THOC5: variants seen among roughly 807,000 people sequenced by gnomAD.
The protein encoded by THOC5 is THO complex subunit 5, also known as Fms-interacting protein.
THOC5 carries 43 observed loss-of-function variants against 92.9 expected under a neutral mutation model. The ratio of observed to expected loss-of-function variants is 0.46; its 90% CI spans 0.36 to 0.60. THOC5 has a LOEUF of 0.60. Among genes scored for constraint, THOC5 ranks in the 20% least tolerant of loss-of-function variants. The pLI, the probability that THOC5 is intolerant of heterozygous loss-of-function variation, is 0.00. For missense variants in THOC5, 659 were observed against 849.4 expected, an observed-to-expected ratio of 0.78 and a Z score of 2.79; for synonymous variants, 296 against 320.1, an observed-to-expected ratio of 0.92 and a Z score of 0.80.
chr22:29,533,489 T>A (rs2063695998), intron 7 of THOC5, among the ~76,000 whole-genome samples: 1 of 152,100 alleles, frequency 6.6e-6, no homozygotes, highest in Admixed American at 6.6e-5. Context: ...ACTTCCAGGA[T>A]GACAACAGAT....
At chr22:29,538,800 GGAAAAAAAAAAAAAAA>G (rs1298621748) in intron 6 of THOC5, among the ~76,000 whole-genome samples, 2 of 32,988 alleles carry the variant, frequency 6.1e-5, no homozygotes, top group African/African-American at 2.2e-4. Context: ...CCATCTCTTT[GGAAAAAAAAAAAAAAA>G]AAAAAAAAAA....
At chr22:29,542,981 T>C (rs370892194) in intron 4 of THOC5, 25 bp from the exon 5 acceptor site, 4 of 1,569,728 alleles carry the variant, frequency 2.5e-6, no homozygotes, top group African/African-American at 1.3e-5. Context: ...CGATCAGAAG[T>C]GAGCAGGGCA....
intron 2 of THOC5, among the ~76,000 whole-genome samples, chr22:29,545,319 C>T (rs769077584): frequency 3.3e-5 from 5 of 152,112 alleles, no homozygotes; most frequent in African/African-American, 4.8e-5. Flanking sequence ...ATTTAAATCC[C>T]AAACCATATC....
chr22:29,512,367 C>T (rs1265061808), intron 17 of THOC5, among the ~76,000 whole-genome samples: 1 of 152,188 alleles, frequency 6.6e-6, no homozygotes, highest in African/African-American at 2.4e-5. Context: ...ATTTACTGTG[C>T]CACAAAGCTG....
rs753314101 is a variant in THOC5 at position 29,525,848 on chromosome 22, T to C, written c.1165A>G (p.Ile389Val). 1.9e-6 allele frequency: 3 copies of C among 1,612,496 alleles called. No individual in the cohort carries two copies. Among genetic ancestry groups the C allele is most frequent in the Non-Finnish European group, 2.5e-6 (3 of 1,178,762 alleles). The change falls in exon 12 of 20, where the codon ATC (isoleucine) becomes GTC (valine). Residue 389 changes from isoleucine (I) to valine (V), a missense_variant. Ile to Val is a conservative substitution (Grantham distance 29). Transcript: ENST00000490103. ...GCGCCTGCTCAATACCCTGCACTGA[T>C]GGGGGTGATCAGCTCCATGGCAGTT... is the stretch of plus-strand genomic sequence containing the variant. The part of the protein sequence containing the change: ...VTTAMELITP[I>V]SAGDLLSPDS...
In THOC5 at chr22:29,548,385, A is replaced by G. The variant is rs186929112; in HGVS notation, c.96+667T>C. Among the ~76,000 whole-genome samples, 139 of 152,198 alleles carry G rather than the reference A, an allele frequency of 9.1e-4. 1 individual carries two copies. Among genetic ancestry groups the G allele is most frequent in the Non-Finnish European group, 1.7e-3 (114 of 68,012 alleles). On this transcript the variant is annotated intron_variant, in intron 2 of 19. Coordinates refer to ENST00000490103, the MANE Select transcript of THOC5 (RefSeq NM_003678.5). ...AACCTGGGTAACGTGGCAAAACCTC[A>G]TATCTACAAAAAATACAAAATTAGC...
rs191291198 is a variant in THOC5 at position 29,516,721 on chromosome 22, C to T, written c.1681+308G>A. Among the ~76,000 whole-genome samples the T allele has an allele frequency of 5.3e-4, 81 of 152,298 alleles. 1 individual carries two copies. The Middle Eastern group carries it at 0.02, about 38-fold the overall frequency. The stretch of plus-strand genomic sequence containing the variant: ...GGAGGAGATGTCCGGTACTAGAAAG[C>T]GGTGAAGGAAGGAGCAAAGAGCTCA... On this transcript the variant is annotated intron_variant, in intron 17 of 19. Transcript: ENST00000490103.
chr22:29,535,533 A>T (rs1317034547), intron 7 of THOC5: 1 of 152,114 alleles, frequency 6.6e-6, no homozygotes, highest in African/African-American at 2.4e-5. Context: ...TACAACTTGC[A>T]TTTCTTATTT....
chr22:29,552,887 T>C (rs1327860734), intron 1 of THOC5, among the ~76,000 whole-genome samples: 1 of 152,232 alleles, frequency 6.6e-6, no homozygotes, highest in Non-Finnish European at 1.5e-5. Flanking sequence ...CATTTTGTTC[T>C]GTACTGAGAG....
rs754712594 is a variant in THOC5, at chr22:29,543,545, G to C, written c.241-3C>G. 1.2e-6 allele frequency: 2 copies of C among 1,608,374 alleles called. No individual in the cohort carries two copies. The highest frequency in any genetic ancestry group is 1.7e-6 in the Non-Finnish European group (2 of 1,175,076). ...CTCCGTTCTTCTATTTCTATTGCCT[G>C]TGGGCAAAGAAAACAGTAAAGCCCA... On this transcript the variant is annotated splice_region_variant and splice_polypyrimidine_tract_variant and intron_variant, in intron 3 of 19. Coordinates refer to ENST00000490103, the MANE Select transcript of THOC5 (RefSeq NM_003678.5).
In THOC5 at chr22:29,539,437, C is replaced by G; in HGVS notation, c.492G>C (p.Glu164Asp). ...TATCTGGTGGAGCCTCCTTATAAAA[C>G]TCCTCTAAACTGACCAGATCAATTT... ...HEEIDLVSLEEFYKEAPPDIS... is the reference protein window; with the variant it reads ...HEEIDLVSLEDFYKEAPPDIS... The change falls in exon 6 of 20, where the codon GAG (glutamate) becomes GAC (aspartate). Residue 164 changes from glutamate (E) to aspartate (D), a missense_variant. Coordinates refer to ENST00000490103, the MANE Select transcript of THOC5 (RefSeq NM_003678.5). 6.2e-7 allele frequency: 1 copy of G among 1,614,094 alleles called. No homozygotes were observed. The highest frequency in any genetic ancestry group is 8.5e-7 in the Non-Finnish European group (1 of 1,180,022).
Position 29,511,195 on chromosome 22 carries a change from C to T in THOC5, c.1899G>A (p.Leu633=), listed in dbSNP as rs143537830. ...GGCTCTCGGTCTCCAGGTAAACATC[C>T]AGCAGCACACACAGCCGCTGCAGCT... is the stretch of plus-strand genomic sequence containing the variant. The part of the protein sequence containing the change: ...TNQLQRLCVL[L]DVYLETESHD... The change falls in exon 19 of 20, where the codon CTG becomes CTA. Residue 633 remains leucine, a synonymous_variant. Coordinates refer to ENST00000490103, the MANE Select transcript of THOC5 (RefSeq NM_003678.5). 86 of 1,614,128 alleles carry T rather than the reference C, an allele frequency of 5.3e-5. No individual in the cohort carries two copies. The highest frequency in any genetic ancestry group is 6.9e-5 in the Non-Finnish European group (82 of 1,180,048).
chr22:29,534,494 T>C (rs2063715982), intron 7 of THOC5: 1 of 152,126 alleles, frequency 6.6e-6, no homozygotes. Context: ...CCTTAGGCAA[T>C]GAATTCAGGT....
chr22:29,525,910 A>G lies in THOC5; in HGVS notation c.1103T>C (p.Met368Thr), dbSNP rs1420448893. ...TTTTACTGTCATGATGTTGAGGTTC[A>G]TGAGGTAGTAGAAAGTCAGGTGAAG... ...SVLHLTFYYL[M>T]NLNIMTVKAK... The change falls in exon 12 of 20, where the codon ATG becomes ACG. Residue 368 changes from methionine to threonine, a missense_variant. Met to Thr is a moderately conservative substitution (Grantham distance 81, BLOSUM62 -1). Transcript: ENST00000490103. 1 of 1,613,954 alleles carries G rather than the reference A, an allele frequency of 6.2e-7. No individual in the cohort carries two copies. The highest frequency in any genetic ancestry group is 2.2e-5 in the East Asian group (1 of 44,870).
intron 2 of THOC5, among the ~76,000 whole-genome samples, chr22:29,547,446 C>A (rs1025695594): frequency 1.3e-5 from 2 of 151,908 alleles, no homozygotes; most frequent in African/African-American, 4.8e-5. Context: ...TCACTGCAAC[C>A]TCTGCCTCCT....
chr22:29,515,195 C>G (rs2063310741), intron 17 of THOC5, among the ~76,000 whole-genome samples: 1 of 151,498 alleles, frequency 6.6e-6, no homozygotes, highest in South Asian at 2.1e-4. Flanking sequence ...GTGCATGCCA[C>G]CATGCCCAGC....
At chr22:29,521,328 A>G (rs1342788211) in intron 12 of THOC5, among the ~76,000 whole-genome samples, 1 of 152,220 alleles carries the variant, frequency 6.6e-6, no homozygotes, top group Non-Finnish European at 1.5e-5. Flanking sequence ...TCAAGGCTTT[A>G]AAAGATATGG....
intron 8 of THOC5, chr22:29,531,575 C>T: frequency 4.2e-6 from 5 of 1,200,174 alleles, no homozygotes; most frequent in East Asian, 3.8e-5. Flanking sequence ...CTGGGTTCTG[C>T]ACCCAAGAGC....
At position 29,539,320 on chromosome 22, in the gene THOC5, G is replaced by A. The variant is rs1417212255; in HGVS notation, c.599+10C>T. The A allele has an allele frequency of 6.2e-7, 1 of 1,612,712 alleles. No individual in the cohort carries two copies. The highest frequency in any genetic ancestry group is 1.3e-5 in the African/African-American group (1 of 74,838). The stretch of plus-strand genomic sequence containing the variant: ...TTGTGGTTAAAAGGTCAGGAAGGAG[G>A]AAATGCTACCTTTTCCGCTGCTCCA... On this transcript the variant is annotated intron_variant, in intron 6 of 19. Transcript: ENST00000490103.
Sources: gnomAD v4.1 joint callset for allele counts (sites outside exome capture counted in the v4.1 genomes callset) on GRCh38, gnomAD v4.1.1 for gene constraint, MANE v1.5 for transcripts, NCBI Gene and HGNC (gene_info 2026-07-23, HGNC 2026-07-21) for gene names.